The following ACBD6 variants were observed in gnomAD, a reference collection of about 807,000 sequenced individuals.
The protein encoded by ACBD6 is acyl-CoA-binding domain-containing protein 6.
Under a neutral mutation model 37.2 loss-of-function variants are expected in ACBD6, and 28 were observed. That is an observed-to-expected ratio of 0.75 (90% CI 0.56 to 1.03). ACBD6 has a LOEUF of 1.03. Among genes scored for constraint, ACBD6 ranks in the 50% least tolerant of loss-of-function variants. The probability of loss-of-function intolerance (pLI) is 0.00; values close to 1 mark genes in which losing one functional copy is unlikely to be tolerated. For synonymous variants in ACBD6, 113 were observed against 126.8 expected (o/e 0.89, Z 0.73); for missense variants, 340 against 337.4 (o/e 1.01, Z -0.06).
At chr1:180,293,820 A>G in intron 7 of ACBD6, among the ~76,000 whole-genome samples, 1 of 152,096 alleles carries the variant, frequency 6.6e-6, no homozygotes, top group East Asian at 1.9e-4. Flanking sequence ...ATCATAGTGC[A>G]GTGCAGTGTT....
chr1:180,481,194 G>A (rs929080203), intron 3 of ACBD6, among the ~76,000 whole-genome samples: 3 of 151,362 alleles, frequency 2.0e-5, no homozygotes, highest in East Asian at 1.9e-4. Flanking sequence ...AATCAAAACC[G>A]ACTTCATTCA....
intron 3 of ACBD6, among the ~76,000 whole-genome samples, chr1:180,479,744 C>T (rs1650950596): frequency 6.6e-6 from 1 of 152,050 alleles, no homozygotes; most frequent in South Asian, 2.1e-4. Flanking sequence ...AATCCCAGCA[C>T]TTTGAGGCGG....
chr1:180,379,716 GA>G (rs1653568648), intron 6 of ACBD6, among the ~76,000 whole-genome samples: 1 of 151,964 alleles, frequency 6.6e-6, no homozygotes, highest in African/African-American at 2.4e-5. Flanking sequence ...CAAACATAAA[GA>G]AAAGAGAACA....
chr1:180,330,087 T>C (rs1010365549), intron 6 of ACBD6, among the ~76,000 whole-genome samples: 3 of 152,094 alleles, frequency 2.0e-5, no homozygotes, highest in African/African-American at 7.2e-5. Flanking sequence ...ACGTCTTTCT[T>C]ATTAGGTGTA....
chr1:180,422,661 C>T (rs1338148510), intron 4 of ACBD6, among the ~76,000 whole-genome samples: 1 of 152,144 alleles, frequency 6.6e-6, no homozygotes, highest in Non-Finnish European at 1.5e-5. Context: ...TTTGGGAGTA[C>T]TTCCAGCATC....
intron 6 of ACBD6, among the ~76,000 whole-genome samples, chr1:180,354,216 A>G (rs895434895): frequency 1.3e-5 from 2 of 152,236 alleles, no homozygotes; most frequent in Non-Finnish European, 2.9e-5. Flanking sequence ...TTCCCAACAG[A>G]TGAATAGAAT....
chr1:180,457,449 C>T lies in ACBD6; in HGVS notation c.385-27187G>A, dbSNP rs1031146735. Among the ~76,000 whole-genome samples the T allele has an allele frequency of 2.0e-5, 3 of 151,062 alleles. No homozygotes were observed. In the Admixed American group the frequency reaches 2.0e-4, roughly 10 times the overall value. Reference sequence around the variant, plus strand: ...CAGATAGTCCTACGGGGAGAAACGTCTCTCTTACTCCATCTCATCTTGTCT... The same window carrying T: ...CAGATAGTCCTACGGGGAGAAACGTTTCTCTTACTCCATCTCATCTTGTCT... On this transcript the variant is annotated intron_variant, in intron 3 of 7. Coordinates refer to ENST00000367595, the MANE Select transcript of ACBD6 (RefSeq NM_032360.4).
intron 6 of ACBD6, among the ~76,000 whole-genome samples, chr1:180,368,100 G>A (rs1042844748): frequency 3.3e-5 from 5 of 152,048 alleles, no homozygotes; most frequent in African/African-American, 7.2e-5. Context: ...TGTGTGAGAC[G>A]GTATCTTGTG....
chr1:180,306,110 AG>A (rs1445658968), intron 7 of ACBD6, among the ~76,000 whole-genome samples: 3 of 74,780 alleles, frequency 4.0e-5, no homozygotes, highest in African/African-American at 1.1e-4. Context: ...GGGTGGGGGG[AG>A]GGGGGAGGGA....
intron 7 of ACBD6, among the ~76,000 whole-genome samples, chr1:180,310,790 G>A (rs1464860914): frequency 1.3e-5 from 2 of 152,170 alleles, no homozygotes; most frequent in Non-Finnish European, 2.9e-5. Context: ...AGCAATGTAT[G>A]AGAATTCTTG....
At chr1:180,456,089 A>G (rs967059675) in intron 3 of ACBD6, among the ~76,000 whole-genome samples, 8 of 151,874 alleles carry the variant, frequency 5.3e-5, no homozygotes, top group African/African-American at 1.9e-4. Context: ...ACACATGCCT[A>G]TAGTCCCAGC....
chr1:180,485,074 C>CA (rs61286766), intron 3 of ACBD6, among the ~76,000 whole-genome samples: 1,161 of 91,978 alleles, frequency 0.013, 8 homozygotes, highest in African/African-American at 0.026. Context: ...GACTCTGTCT[C>CA]AAAAAAAAAA....
chr1:180,433,631 G>A (rs1245197337), intron 3 of ACBD6, among the ~76,000 whole-genome samples: 1 of 151,982 alleles, frequency 6.6e-6, no homozygotes, highest in African/African-American at 2.4e-5. Flanking sequence ...CAGAGAGAGA[G>A]CGAGAGTGAG....
chr1:180,478,591 C>A (rs897014346), intron 3 of ACBD6, among the ~76,000 whole-genome samples: 2 of 151,712 alleles, frequency 1.3e-5, no homozygotes, highest in African/African-American at 4.8e-5. Flanking sequence ...CAGGTTCAAG[C>A]AATTCTCCTG....
chr1:180,361,740 AC>A (rs1558266400), intron 6 of ACBD6, among the ~76,000 whole-genome samples: 2 of 152,190 alleles, frequency 1.3e-5, no homozygotes, highest in Non-Finnish European at 2.9e-5. Context: ...CTTTCAAAAT[AC>A]CACAGAAACA....
At chr1:180,329,533 T>A (rs1484675791) in intron 6 of ACBD6, among the ~76,000 whole-genome samples, 1 of 151,700 alleles carries the variant, frequency 6.6e-6, no homozygotes, top group Non-Finnish European at 1.5e-5. Context: ...CAACATGATT[T>A]GTAGAAAGCT....
intron 6 of ACBD6, among the ~76,000 whole-genome samples, chr1:180,364,013 GA>G (rs1211909997): frequency 6.6e-6 from 1 of 152,116 alleles, no homozygotes; most frequent in African/African-American, 2.4e-5. Context: ...AAGAATACAA[GA>G]TGTGTCTAAG....
intron 6 of ACBD6, among the ~76,000 whole-genome samples, chr1:180,395,643 A>G (rs1156443066): frequency 1.3e-5 from 2 of 152,212 alleles, no homozygotes; most frequent in East Asian, 3.8e-4. Flanking sequence ...TCAAAAGCAC[A>G]GAAAACAACA....
At chr1:180,271,686 C>A in exon 14 of ACBD6, 1 of 1,311,374 alleles carries the variant, frequency 7.6e-7, no homozygotes, top group Non-Finnish European at 1.1e-6. Context: ...TGAGGCCCAC[C>A]TGGGGAGAGG....
Sources: allele counts gnomAD v4.1 joint callset (sites outside exome capture counted in the v4.1 genomes callset), GRCh38; gene constraint gnomAD v4.1.1; transcripts MANE v1.5; gene names NCBI Gene and HGNC (gene_info 2026-07-23, HGNC 2026-07-21).